TENM3: variants seen among roughly 807,000 people sequenced by gnomAD.
TENM3 encodes teneurin transmembrane protein 3.
In TENM3, 63 loss-of-function variants were observed where a neutral mutation model predicts 255.1. The observed-to-expected ratio is 0.25, with a 90% CI of 0.20 to 0.30. The LOEUF (loss-of-function observed/expected upper bound fraction) is 0.30, where lower values mean the gene tolerates loss of function less well. Ranked by LOEUF, TENM3 falls within the 10% of genes least tolerant of loss-of-function variation. The pLI, the probability that TENM3 is intolerant of heterozygous loss-of-function variation, is 1.00. For synonymous variants in TENM3, 1,306 were observed against 1,322.3 expected, an observed-to-expected ratio of 0.99 and a Z score of 0.27; for missense variants, 2,929 against 3,461.1, an observed-to-expected ratio of 0.85 and a Z score of 3.86.
intron 24 of TENM3, among the ~76,000 whole-genome samples, chr4:182,779,017 G>C (rs1764927163): frequency 7.4e-6 from 1 of 135,216 alleles, no homozygotes; most frequent in Non-Finnish European, 1.6e-5. Flanking sequence ...TTTGTTACTG[G>C]TTTTACTAAG....
chr4:182,789,292 G>A lies in TENM3; in HGVS notation c.5504G>A (p.Gly1835Asp), dbSNP rs185689131. ...GGTCAAATTGCCAGCATCCAGCGAG[G>A]CACCACTAGCGAGAAAGTAGATTAT... is the stretch of plus-strand genomic sequence containing the variant. ...STGQIASIQR[G>D]TTSEKVDYDG... Residue 1835 changes from glycine to aspartate, a missense_variant, in exon 25 of 28, where the codon GGC becomes GAC. Gly to Asp is a moderately conservative substitution (Grantham distance 94). This residue lies in a region of TENM3 where 303 missense variants were observed against 425.2 expected (regional missense o/e 0.71). Coordinates refer to ENST00000511685, the MANE Select transcript of TENM3 (RefSeq NM_001080477.4). The surrounding 1 kb of genome is among the most constrained non-coding windows in gnomAD (Gnocchi z 4.4). 495 of 1,613,788 alleles carry A rather than the reference G, an allele frequency of 3.1e-4. 1 individual carries two copies. Among genetic ancestry groups the A allele is most frequent in the Non-Finnish European group, 3.8e-4 (444 of 1,179,822 alleles).
intron 3 of TENM3, among the ~76,000 whole-genome samples, chr4:182,412,664 G>A (rs1338093760): frequency 6.6e-6 from 1 of 151,990 alleles, no homozygotes; most frequent in African/African-American, 2.4e-5. Context: ...AGGAGATCGA[G>A]ACTATCCTGG....
chr4:182,617,278 C>G (rs1199436758), intron 4 of TENM3, among the ~76,000 whole-genome samples: 1 of 152,118 alleles, frequency 6.6e-6, no homozygotes, highest in Admixed American at 6.6e-5. Flanking sequence ...CACACACTAA[C>G]AATTCAGTGT....
At chr4:182,381,112 G>C (rs1010913020) in intron 3 of TENM3, among the ~76,000 whole-genome samples, 2 of 152,324 alleles carry the variant, frequency 1.3e-5, no homozygotes, top group East Asian at 1.9e-4. Context: ...TCAGACAGCT[G>C]TGAGAGTCCC....
intron 5 of TENM3, among the ~76,000 whole-genome samples, chr4:182,640,498 C>T (rs1752206302): frequency 6.6e-6 from 1 of 152,196 alleles, no homozygotes; most frequent in South Asian, 2.1e-4. Flanking sequence ...TTGTTTCAGT[C>T]ATTTCAAATA....
At chr4:182,702,375 C>T (rs554313742) in intron 12 of TENM3, among the ~76,000 whole-genome samples, 2 of 152,280 alleles carry the variant, frequency 1.3e-5, no homozygotes, top group South Asian at 2.1e-4. Flanking sequence ...GCAGAATGGA[C>T]CCTGGGGCTT....
chr4:182,516,755 A>G (rs1290793076), intron 3 of TENM3, among the ~76,000 whole-genome samples: 2 of 152,068 alleles, frequency 1.3e-5, no homozygotes, highest in Non-Finnish European at 2.9e-5. Context: ...GCTGGGCGTG[A>G]TGGCACACAC....
intron 4 of TENM3, among the ~76,000 whole-genome samples, chr4:182,624,516 A>G (rs1329850834): frequency 6.6e-6 from 1 of 152,134 alleles, no homozygotes; most frequent in Non-Finnish European, 1.5e-5. Context: ...CCACTCACGA[A>G]GCAGAAGGCA....
At chr4:182,190,373 A>G (rs1753435336) in intron 1 of TENM3, 1 of 152,212 alleles carries the variant, frequency 6.6e-6, no homozygotes, top group East Asian at 1.9e-4. Flanking sequence ...ACAAGTATGC[A>G]CTGTTCTTTC....
At chr4:181,578,117 G>A in the TENM3 span, among the ~76,000 whole-genome samples, 2 of 152,304 alleles carry the variant, frequency 1.3e-5, no homozygotes, top group East Asian at 3.9e-4. Flanking sequence ...ATGAACCAGA[G>A]GTTTCTGTGC....
chr4:182,137,333 T>TCCC, the TENM3 span, among the ~76,000 whole-genome samples: 8 of 100,518 alleles, frequency 8.0e-5, no homozygotes, highest in African/African-American at 3.1e-4. Context: ...CTCTGCCACC[T>TCCC]CCCCCCCCCC....
intron 3 of TENM3, among the ~76,000 whole-genome samples, chr4:182,363,327 GTACA>G (rs1211633643): frequency 6.6e-6 from 1 of 151,734 alleles, no homozygotes; most frequent in Non-Finnish European, 1.5e-5. Flanking sequence ...ATGAGTGTGT[GTACA>G]TATTCATATA....
chr4:181,684,676 A>T, the TENM3 span, among the ~76,000 whole-genome samples: 1 of 152,194 alleles, frequency 6.6e-6, no homozygotes, highest in Non-Finnish European at 1.5e-5. Flanking sequence ...AGACTGAGAT[A>T]AATAAAAAGT....
chr4:182,448,940 G>T, intron 3 of TENM3: 1 of 383,634 alleles, frequency 2.6e-6, no homozygotes, highest in Non-Finnish European at 5.2e-6. Context: ...TGTAAACAGA[G>T]GAGCCTCAGC....
intron 3 of TENM3, among the ~76,000 whole-genome samples, chr4:182,420,300 T>G (rs1369178545): frequency 6.6e-6 from 1 of 152,156 alleles, no homozygotes; most frequent in Non-Finnish European, 1.5e-5. Flanking sequence ...ATGAAATGAA[T>G]TAATACTGGA....
At chr4:182,163,259 T>C (rs1334644491) in intron 1 of TENM3, among the ~76,000 whole-genome samples, 1 of 152,124 alleles carries the variant, frequency 6.6e-6, no homozygotes. Flanking sequence ...CTCCAATCCA[T>C]TTTTCTAGAT....
At chr4:181,460,067 C>T in the TENM3 span, among the ~76,000 whole-genome samples, 3 of 151,834 alleles carry the variant, frequency 2.0e-5, no homozygotes, top group African/African-American at 7.2e-5. Context: ...TATTTCATGA[C>T]ATTCGTTGCT....
the TENM3 span, among the ~76,000 whole-genome samples, chr4:181,547,304 T>C: frequency 6.6e-6 from 1 of 152,044 alleles, no homozygotes; most frequent in Non-Finnish European, 1.5e-5. Context: ...AGTAGTAGGT[T>C]TGGAAGACAA....
the TENM3 span, among the ~76,000 whole-genome samples, chr4:182,096,089 C>T: frequency 6.7e-6 from 1 of 148,812 alleles, no homozygotes; most frequent in Non-Finnish European, 1.5e-5. Context: ...AAAATCATGC[C>T]ACTGCACTCC....
Sources: gnomAD v4.1 joint callset for allele counts (sites outside exome capture counted in the v4.1 genomes callset) on GRCh38, gnomAD v4.1.1 for gene constraint, gnomAD v4.1.1 regional missense constraint, Gnocchi (gnomAD v3.1) non-coding constraint, MANE v1.5 for transcripts, NCBI Gene and HGNC (gene_info 2026-07-23, HGNC 2026-07-21) for gene names.